The following CSMD1 variants were observed in gnomAD, a reference collection of about 807,000 sequenced individuals.
The protein encoded by CSMD1 is CUB and sushi domain-containing protein 1.
CSMD1 carries 213 observed loss-of-function variants against 417.5 expected under a neutral mutation model. The ratio of observed to expected loss-of-function variants is 0.51; its 90% CI spans 0.46 to 0.57. CSMD1 has a LOEUF of 0.57. CSMD1 is among the 20% of genes least tolerant of loss of function. CSMD1 has a pLI of 0.00. For synonymous variants in CSMD1, 2,862 were observed against 1,736.8 expected (o/e 1.65, Z -16.11); for missense variants, 6,923 against 4,529.7 (o/e 1.53, Z -15.17).
chr8:3,798,071 G>A (rs954238452), intron 5 of CSMD1, among the ~76,000 whole-genome samples: 1 of 151,888 alleles, frequency 6.6e-6, no homozygotes, highest in Admixed American at 6.6e-5. Flanking sequence ...ATCCATTGAA[G>A]TATTGTGATG....
At chr8:3,890,224 G>C (rs1339361349) in intron 5 of CSMD1, among the ~76,000 whole-genome samples, 5 of 152,102 alleles carry the variant, frequency 3.3e-5, no homozygotes, top group African/African-American at 1.2e-4. Context: ...TTTAATAAAA[G>C]ATAAGAAATA....
At chr8:4,674,731 G>A (rs182224649) in intron 1 of CSMD1, among the ~76,000 whole-genome samples, 2 of 152,138 alleles carry the variant, frequency 1.3e-5, no homozygotes, top group South Asian at 2.1e-4. Context: ...ACATATAGAA[G>A]AAAATGCAAG....
At chr8:4,149,623 T>C (rs994575890) in intron 3 of CSMD1, among the ~76,000 whole-genome samples, 2 of 152,204 alleles carry the variant, frequency 1.3e-5, no homozygotes, top group Non-Finnish European at 2.9e-5. Context: ...CTTCTGTCTG[T>C]AGAATCATCC....
At chr8:4,194,752 A>T (rs920635022) in intron 3 of CSMD1, among the ~76,000 whole-genome samples, 1 of 151,820 alleles carries the variant, frequency 6.6e-6, no homozygotes, top group Non-Finnish European at 1.5e-5. Context: ...TTAAATAAAC[A>T]TTTTTTTTAA....
chr8:3,108,502 T>G, intron 44 of CSMD1, 101 bp downstream of exon 44: 1 of 1,269,486 alleles, frequency 7.9e-7, no homozygotes, highest in Non-Finnish European at 1.1e-6. Flanking sequence ...CGCCCTCGGC[T>G]GAATCAAGAA....
At chr8:4,190,955 G>GC (rs1181670080) in intron 3 of CSMD1, among the ~76,000 whole-genome samples, 2 of 151,842 alleles carry the variant, frequency 1.3e-5, no homozygotes, top group African/African-American at 4.8e-5. Flanking sequence ...GTGGAGAGTG[G>GC]GGGGGGCGGG....
At chr8:3,845,671 A>C (rs1489966080) in intron 5 of CSMD1, among the ~76,000 whole-genome samples, 3 of 152,160 alleles carry the variant, frequency 2.0e-5, no homozygotes, top group African/African-American at 7.2e-5. Flanking sequence ...TTCAATAATA[A>C]GTTAACTTTA....
chr8:3,406,869 C>A (rs539768596), intron 14 of CSMD1, among the ~76,000 whole-genome samples: 1 of 152,196 alleles, frequency 6.6e-6, no homozygotes, highest in Non-Finnish European at 1.5e-5. Flanking sequence ...AGAGAATGAG[C>A]TGTCATTAAA....
chr8:4,386,040 C>G (rs1446207801), intron 3 of CSMD1, among the ~76,000 whole-genome samples: 1 of 152,178 alleles, frequency 6.6e-6, no homozygotes, highest in Non-Finnish European at 1.5e-5. Flanking sequence ...TTTCTCCAGT[C>G]TGTGCCATCC....
chr8:3,220,746 G>A (rs868751882), intron 28 of CSMD1, among the ~76,000 whole-genome samples: 5 of 152,196 alleles, frequency 3.3e-5, no homozygotes, highest in East Asian at 1.9e-4. Context: ...CAGAAGAATC[G>A]CTTGAACCCG....
At chr8:4,656,120 T>G (rs1804214441) in intron 1 of CSMD1, among the ~76,000 whole-genome samples, 1 of 152,014 alleles carries the variant, frequency 6.6e-6, no homozygotes, top group Non-Finnish European at 1.5e-5. Flanking sequence ...GTGTATCGTG[T>G]GTGTCAATGA....
intron 12 of CSMD1, among the ~76,000 whole-genome samples, chr8:3,439,493 C>CTATG (rs1554552862): frequency 6.9e-6 from 1 of 145,412 alleles, no homozygotes; most frequent in Admixed American, 7.0e-5. Flanking sequence ...GTGTGTGTAT[C>CTATG]TGTGTGTGTG....
At chr8:4,253,909 T>G (rs1803259267) in intron 3 of CSMD1, among the ~76,000 whole-genome samples, 1 of 3,264 alleles carries the variant, frequency 3.1e-4, no homozygotes, top group Non-Finnish European at 6.3e-3. Context: ...CCTTCCATCT[T>G]TTTTTTTTTT....
intron 2 of CSMD1, among the ~76,000 whole-genome samples, chr8:4,500,168 G>A (rs572790864): frequency 1.3e-5 from 2 of 152,258 alleles, no homozygotes; most frequent in African/African-American, 2.4e-5. Context: ...AGTATAAAGA[G>A]GCTGGGAGAA....
intron 3 of CSMD1, among the ~76,000 whole-genome samples, chr8:4,248,445 C>G (rs1396054213): frequency 1.3e-5 from 2 of 152,084 alleles, no homozygotes; most frequent in African/African-American, 2.4e-5. Flanking sequence ...ACATAAGATC[C>G]TAATTAAAAG....
chr8:3,344,306 C>T (rs543617299), intron 22 of CSMD1, among the ~76,000 whole-genome samples: 1 of 152,274 alleles, frequency 6.6e-6, no homozygotes, highest in South Asian at 2.1e-4. Context: ...GTAACAGAAA[C>T]AGCACTGACT....
chr8:3,761,566 G>C (rs2623736), intron 5 of CSMD1, among the ~76,000 whole-genome samples: 131,915 of 146,570 alleles, frequency 0.9, 59,385 homozygotes, highest in South Asian at 0.94. Context: ...AGTGAAATGA[G>C]ATGATCTCAG....
chr8:4,593,789 A>G (rs1800115053), intron 2 of CSMD1, among the ~76,000 whole-genome samples: 1 of 152,190 alleles, frequency 6.6e-6, no homozygotes, highest in African/African-American at 2.4e-5. Flanking sequence ...AGCATGCTTA[A>G]TAAAGTTAAA....
chr8:3,188,280 T>C (rs1376972613), intron 35 of CSMD1, among the ~76,000 whole-genome samples: 1 of 146,472 alleles, frequency 6.8e-6, no homozygotes, highest in Non-Finnish European at 1.5e-5. Context: ...AAAGAACAAT[T>C]TATTTTTCTT....
Sources: allele counts gnomAD v4.1 joint callset (sites outside exome capture counted in the v4.1 genomes callset), GRCh38; gene constraint gnomAD v4.1.1; transcripts MANE v1.5; gene names NCBI Gene and HGNC (gene_info 2026-07-23, HGNC 2026-07-21).